Variants in MGST1 observed in about 807,000 individuals in gnomAD.
The protein encoded by MGST1 is glutathione S-transferase 12.
In MGST1, 5 loss-of-function variants were observed where a neutral mutation model predicts 8.9. The ratio of observed to expected loss-of-function variants is 0.56; its 90% confidence interval spans 0.29 to 1.19. MGST1 has a LOEUF of 1.19. Among genes scored for constraint, MGST1 ranks in the 50% most tolerant of loss-of-function variants. The probability of loss-of-function intolerance (pLI) is 0.08; values close to 1 mark genes in which losing one functional copy is unlikely to be tolerated. For missense variants in MGST1, 182 were observed against 187.4 expected, an observed-to-expected ratio of 0.97 and a Z score of 0.17; for synonymous variants, 54 against 67.8, an observed-to-expected ratio of 0.80 and a Z score of 1.00.
chr12:16,471,920 T>C (rs201093106), intron 4 of MGST1, among the ~76,000 whole-genome samples: 15 of 149,010 alleles, frequency 1.0e-4, no homozygotes, highest in South Asian at 2.1e-4. Flanking sequence ...TACACACACA[T>C]ACACACACAC....
intron 4 of MGST1, among the ~76,000 whole-genome samples, chr12:16,488,084 T>A (rs572120754): frequency 6.6e-6 from 1 of 152,340 alleles, no homozygotes; most frequent in African/African-American, 2.4e-5. Flanking sequence ...CAGTAACCGT[T>A]AGAAGAATTA....
In MGST1 at chr12:16,548,064, AC is replaced by A. The variant is rs1298276411; in HGVS notation, n.483-41463del. Among the ~76,000 whole-genome samples, 1 of 152,210 alleles carries A rather than the reference AC, an allele frequency of 6.6e-6. No individual in the cohort carries two copies. The highest frequency in any genetic ancestry group is 1.5e-5 in the Non-Finnish European group (1 of 68,026). On this transcript the variant is annotated intron_variant and non_coding_transcript_variant, in intron 4 of 4. Coordinates refer to the MGST1 transcript ENST00000538857. The surrounding 1 kb of genome is among the most constrained non-coding windows in gnomAD (Gnocchi z 4.2). The stretch of plus-strand genomic sequence containing the variant: ...AATAGAAAATTTGAAATTTAATCTG[AC>A]AACAGCAACAGAGTTGCTTTCAGAA...
chr12:16,508,770 T>G (rs1374353384), intron 4 of MGST1, among the ~76,000 whole-genome samples: 2 of 152,190 alleles, frequency 1.3e-5, no homozygotes, highest in Non-Finnish European at 2.9e-5. Flanking sequence ...TCAGACAACT[T>G]GGCATCATAA....
chr12:16,519,144 A>T (rs1207959229), intron 4 of MGST1, among the ~76,000 whole-genome samples: 1 of 152,198 alleles, frequency 6.6e-6, no homozygotes, highest in Non-Finnish European at 1.5e-5. Context: ...GAGCCCTTCC[A>T]ACATTTGAGT....
intron 1 of MGST1, among the ~76,000 whole-genome samples, chr12:16,386,529 T>C (rs971043554): frequency 2.0e-5 from 3 of 152,220 alleles, no homozygotes; most frequent in Admixed American, 1.3e-4. Context: ...CTACTCTCAA[T>C]ACTGAGACCG....
chr12:16,501,636 A>G (rs1941506760), intron 4 of MGST1, among the ~76,000 whole-genome samples: 2 of 152,198 alleles, frequency 1.3e-5, no homozygotes, highest in Non-Finnish European at 2.9e-5. Context: ...ATTTCATTTG[A>G]TGTGTCCCCT....
chr12:16,481,575 T>TATA (rs1306482344), intron 4 of MGST1, among the ~76,000 whole-genome samples: 3 of 152,120 alleles, frequency 2.0e-5, no homozygotes, highest in Admixed American at 1.3e-4. Context: ...AAACAAAATT[T>TATA]ATAATAATTA....
At chr12:16,406,371 C>G (rs1270626312) in intron 1 of MGST1, among the ~76,000 whole-genome samples, 2 of 152,122 alleles carry the variant, frequency 1.3e-5, no homozygotes, top group Admixed American at 6.6e-5. Flanking sequence ...TGAAAGATGT[C>G]TACAATGAGA....
chr12:16,353,495 A>G (rs1939564891), intron 1 of MGST1: 1 of 152,210 alleles, frequency 6.6e-6, no homozygotes, highest in Non-Finnish European at 1.5e-5. Context: ...AGCAGGATAC[A>G]TAAGAACTGA....
chr12:16,355,871 G>T (rs542505040), intron 2 of MGST1, among the ~76,000 whole-genome samples: 1 of 152,260 alleles, frequency 6.6e-6, no homozygotes, highest in South Asian at 2.1e-4. Flanking sequence ...GCCATAGACT[G>T]GGTGGCTTAA....
chr12:16,408,960 G>T (rs561190504), intron 1 of MGST1, among the ~76,000 whole-genome samples: 6 of 152,152 alleles, frequency 3.9e-5, no homozygotes, highest in African/African-American at 1.4e-4. Flanking sequence ...ATTTTTAGAA[G>T]ATACTTTTTT....
At chr12:16,557,222 C>A (rs1369971796) in intron 4 of MGST1, among the ~76,000 whole-genome samples, 2 of 151,986 alleles carry the variant, frequency 1.3e-5, no homozygotes, top group African/African-American at 4.8e-5. Context: ...AAATAGGTAA[C>A]CCTACTTAAT....
At chr12:16,426,841 C>T (rs776147299) in intron 1 of MGST1, among the ~76,000 whole-genome samples, 12 of 151,594 alleles carry the variant, frequency 7.9e-5, no homozygotes, top group Non-Finnish European at 1.2e-4. Context: ...GCGTGATGGC[C>T]GGCTCCTGTA....
intron 1 of MGST1, among the ~76,000 whole-genome samples, chr12:16,421,034 C>G (rs1940831232): frequency 6.6e-6 from 1 of 152,068 alleles, no homozygotes; most frequent in South Asian, 2.1e-4. Context: ...TCTCTTCTCT[C>G]CTATCCTCTG....
chr12:16,554,655 C>T (rs894456551), intron 4 of MGST1, among the ~76,000 whole-genome samples: 3 of 152,210 alleles, frequency 2.0e-5, no homozygotes, highest in Admixed American at 2.0e-4. Flanking sequence ...TCCACTATAT[C>T]TATTCACATT....
chr12:16,502,432 C>A (rs935358118), intron 4 of MGST1, among the ~76,000 whole-genome samples: 2 of 151,964 alleles, frequency 1.3e-5, no homozygotes, highest in African/African-American at 2.4e-5. Flanking sequence ...AGTTTTAGCC[C>A]ACAAATTTTT....
chr12:16,540,165 T>C (rs1941784261), intron 4 of MGST1, among the ~76,000 whole-genome samples: 2 of 152,248 alleles, frequency 1.3e-5, no homozygotes, highest in African/African-American at 4.8e-5. Context: ...TTGCCCTTGC[T>C]TTCCCCACAG....
chr12:16,424,713 A>G (rs540646748), intron 1 of MGST1, among the ~76,000 whole-genome samples: 2 of 152,272 alleles, frequency 1.3e-5, no homozygotes, highest in South Asian at 2.1e-4. Flanking sequence ...ACTGCCACCC[A>G]TGAAAGCTAA....
intron 4 of MGST1, among the ~76,000 whole-genome samples, chr12:16,556,432 A>G (rs902872773): frequency 3.3e-5 from 5 of 152,348 alleles, no homozygotes; most frequent in Middle Eastern, 3.4e-3. Flanking sequence ...ATAAGGGACA[A>G]TCAATCCTGA....
Sources: allele counts gnomAD v4.1 joint callset (sites outside exome capture counted in the v4.1 genomes callset), GRCh38; gene constraint gnomAD v4.1.1; non-coding constraint Gnocchi (gnomAD v3.1); transcripts MANE v1.5; gene names NCBI Gene and HGNC (gene_info 2026-07-23, HGNC 2026-07-21).